MFSD6: variants seen among roughly 807,000 people sequenced by gnomAD.
The protein encoded by MFSD6 is major facilitator superfamily domain-containing protein 6.
In MFSD6, 26 loss-of-function variants were observed where a neutral mutation model predicts 56.3. That is an observed-to-expected ratio of 0.46 (90% confidence interval 0.34 to 0.64). MFSD6 has a LOEUF of 0.64. MFSD6 is among the 30% of genes least tolerant of loss of function. The probability of loss-of-function intolerance (pLI) is 0.01; values close to 1 mark genes in which losing one functional copy is unlikely to be tolerated. For synonymous variants in MFSD6, 331 were observed against 366.9 expected, an observed-to-expected ratio of 0.90 and a Z score of 1.12; for missense variants, 750 against 986.2, an observed-to-expected ratio of 0.76 and a Z score of 3.21.
rs562072740 is a variant in MFSD6 at position 190,462,785 on chromosome 2, T to G, written c.1533-6973T>G. ...CATATCTTGGAAAAAGGGAGAGAGATACTGTCAGCCCTGCTACTTCTAGAT... is the reference window on the plus strand; with the variant it reads ...CATATCTTGGAAAAAGGGAGAGAGAGACTGTCAGCCCTGCTACTTCTAGAT... On this transcript the variant is annotated intron_variant, in intron 3 of 7. Transcript: ENST00000392328. The surrounding 1 kb of genome is among the most constrained non-coding windows in gnomAD (Gnocchi z 5.7). Among the ~76,000 whole-genome samples the G allele has an allele frequency of 6.6e-5, 10 of 152,276 alleles. No homozygotes were observed. Among genetic ancestry groups the G allele is most frequent in the African/African-American group, 2.4e-4 (10 of 41,546 alleles).
rs77215407 is a variant in MFSD6, at chr2:190,434,795, G to A, written c.-53-1182G>A. Among the ~76,000 whole-genome samples the A allele has an allele frequency of 0.014, 2,164 of 152,206 alleles. 79 individuals carry two copies. Among genetic ancestry groups the A allele is most frequent in the East Asian group, 0.075 (387 of 5,176 alleles). ...CTAAAATGTGTTATTTTTCAGTTTA[G>A]TGTGTCTTAGAGCAGGGTTCCCCAA... is the stretch of plus-strand genomic sequence containing the variant. On this transcript the variant is annotated intron_variant, in intron 2 of 7. Coordinates refer to ENST00000392328, the MANE Select transcript of MFSD6 (RefSeq NM_017694.4). This position sits in a 1 kb window ranked among gnomAD's most constrained non-coding sequence, Gnocchi z 4.3.
At chr2:190,486,636 T>A (rs1344132428) in intron 4 of MFSD6, among the ~76,000 whole-genome samples, 1 of 152,232 alleles carries the variant, frequency 6.6e-6, no homozygotes, top group Non-Finnish European at 1.5e-5. Context: ...GTTTTTTAGT[T>A]ACTTGAGGAA....
intron 6 of MFSD6, among the ~76,000 whole-genome samples, chr2:190,493,938 G>A (rs971006296): frequency 6.6e-6 from 1 of 151,728 alleles, no homozygotes; most frequent in African/African-American, 2.4e-5. Flanking sequence ...GACAATCTAA[G>A]GTCACACCTC....
intron 4 of MFSD6, among the ~76,000 whole-genome samples, chr2:190,478,518 G>C (rs376827339): frequency 2.6e-5 from 4 of 152,304 alleles, no homozygotes; most frequent in Non-Finnish European, 5.9e-5. Flanking sequence ...GTTTGGATTC[G>C]TCTGCCTTTA....
rs991784212 is a variant in MFSD6, at chr2:190,491,695, T to C, written c.1891+1829T>C. On this transcript the variant is annotated intron_variant, in intron 6 of 7. Coordinates refer to ENST00000392328, the MANE Select transcript of MFSD6 (RefSeq NM_017694.4). The surrounding 1 kb of genome is among the most constrained non-coding windows in gnomAD (Gnocchi z 4.2). ...GCCAGCCCTTCCCTCTGCCATAGCC[T>C]ACCCAAATGAGAAGGAACCAGAACA... 2.6e-5 allele frequency among the ~76,000 whole-genome samples: 4 copies of C among 152,152 alleles called. No homozygotes were observed. Among genetic ancestry groups the C allele is most frequent in the African/African-American group, 9.7e-5 (4 of 41,412 alleles).
chr2:190,463,904 T>C lies in MFSD6; in HGVS notation c.1533-5854T>C, dbSNP rs1448909234. The C allele has an allele frequency of 8.1e-6, 8 of 984,524 alleles. No individual in the cohort carries two copies. The highest frequency in any genetic ancestry group is 9.6e-6 in the Non-Finnish European group (8 of 829,148). The allele number at this position is 984,524 out of a possible 1,614,324, so 61.0% of individuals were successfully genotyped here. A position where few individuals can be genotyped will look rare whatever the true frequency, so the allele number is the denominator to read the frequency against. ...AGGGCGCACCATATACTGTCTACCA[T>C]ACAGAAAACGTAATCCAGTTTATAT... On this transcript the variant is annotated intron_variant, in intron 3 of 7. Transcript: ENST00000392328. The surrounding 1 kb of genome is among the most constrained non-coding windows in gnomAD (Gnocchi z 4.4).
intron 4 of MFSD6, among the ~76,000 whole-genome samples, chr2:190,484,405 A>G (rs1367093565): frequency 1.3e-5 from 2 of 152,240 alleles, no homozygotes; most frequent in Non-Finnish European, 2.9e-5. Context: ...ATAACTAAGA[A>G]AGTAGAAGCA....
At chr2:190,430,062 G>A (rs192205388) in intron 2 of MFSD6, among the ~76,000 whole-genome samples, 1 of 137,186 alleles carries the variant, frequency 7.3e-6, no homozygotes, top group Admixed American at 8.9e-5. Flanking sequence ...TGTTCTCATT[G>A]TTCAATTTCC....
chr2:190,479,397 G>T (rs1688531497), intron 4 of MFSD6, among the ~76,000 whole-genome samples: 1 of 151,892 alleles, frequency 6.6e-6, no homozygotes, highest in Non-Finnish European at 1.5e-5. Context: ...AAAAGAGACA[G>T]GGAGTCTACG....
chr2:190,436,588 T>C lies in MFSD6; in HGVS notation c.559T>C (p.Ser187Pro). ...TILPTNSSFT[S>P]FLTISPKMRE... is the part of the protein sequence containing the mutation. ...CCTGCCAACAAATTCTTCCTTTACC[T>C]CTTTCCTCACCATATCACCAAAAAT... The change falls in exon 3 of 8, where the codon TCT (serine) becomes CCT (proline). Residue 187 changes from serine to proline, a missense_variant. Ser to Pro is a moderately conservative substitution (Grantham distance 74). This residue lies in a region of MFSD6 where 376 missense variants were observed against 437.9 expected (regional missense o/e 0.86). Transcript: ENST00000392328. This position sits in a 1 kb window ranked among gnomAD's most constrained non-coding sequence, Gnocchi z 5.3. 6.2e-7 allele frequency: 1 copy of C among 1,614,212 alleles called. No individual in the cohort carries two copies. Among genetic ancestry groups the C allele is most frequent in the Non-Finnish European group, 8.5e-7 (1 of 1,180,038 alleles).
In MFSD6 at chr2:190,463,562, A is replaced by G. The variant is rs1687439157; in HGVS notation, c.1533-6196A>G. ...GGGGCCAGGTGGATGGCTCATGCCT[A>G]TAATCCCAGCAACTTTGGGAGGCTG... On this transcript the variant is annotated intron_variant, in intron 3 of 7. Transcript: ENST00000392328. This position sits in a 1 kb window ranked among gnomAD's most constrained non-coding sequence, Gnocchi z 4.4. Among the ~76,000 whole-genome samples the G allele has an allele frequency of 6.6e-6, 1 of 152,208 alleles. No individual in the cohort carries two copies. Among genetic ancestry groups the G allele is most frequent in the Non-Finnish European group, 1.5e-5 (1 of 68,030 alleles).
chr2:190,470,222 T>G (rs1208959952), intron 4 of MFSD6, among the ~76,000 whole-genome samples: 1 of 152,246 alleles, frequency 6.6e-6, no homozygotes, highest in South Asian at 2.1e-4. Context: ...AGGTTAACTA[T>G]AGTTACTGAA....
In MFSD6 at chr2:190,434,838, G is replaced by A. The variant is rs910964218; in HGVS notation, c.-53-1139G>A. Reference sequence around the variant, plus strand: ...TTCCCCAACCCCTGGACCATGGACCGCTACCACTCTGTGGCCTGTTAGGAA... The same window carrying A: ...TTCCCCAACCCCTGGACCATGGACCACTACCACTCTGTGGCCTGTTAGGAA... On this transcript the variant is annotated intron_variant, in intron 2 of 7. Coordinates refer to ENST00000392328, the MANE Select transcript of MFSD6 (RefSeq NM_017694.4). This position sits in a 1 kb window ranked among gnomAD's most constrained non-coding sequence, Gnocchi z 4.3. Among the ~76,000 whole-genome samples, 5 of 152,156 alleles carry A rather than the reference G, an allele frequency of 3.3e-5. No homozygotes were observed. Among genetic ancestry groups the A allele is most frequent in the Admixed American group, 1.3e-4 (2 of 15,284 alleles).
intron 3 of MFSD6, chr2:190,442,930 C>T (rs1215031356): frequency 6.6e-6 from 1 of 152,112 alleles, no homozygotes; most frequent in African/African-American, 2.4e-5. Context: ...TGAGGAAAAT[C>T]AATTATAATT....
At position 190,423,997 on chromosome 2, in the gene MFSD6, G is replaced by A. The variant is rs1486500765; in HGVS notation, c.-54+8584G>A. The stretch of plus-strand genomic sequence containing the variant: ...TGTCCATTTTCTAATTGGATTGTTT[G>A]TTGAGTTTGGAGAATTCTTTACATA... On this transcript the variant is annotated intron_variant, in intron 2 of 7. Transcript: ENST00000392328. The surrounding 1 kb of genome is among the most constrained non-coding windows in gnomAD (Gnocchi z 4.3). Among the ~76,000 whole-genome samples the A allele has an allele frequency of 6.6e-6, 1 of 152,124 alleles. No individual in the cohort carries two copies. The highest frequency in any genetic ancestry group is 2.4e-5 in the African/African-American group (1 of 41,418).
chr2:190,441,813 C>G (rs111342444), intron 3 of MFSD6, among the ~76,000 whole-genome samples: 22 of 152,236 alleles, frequency 1.4e-4, no homozygotes, highest in African/African-American at 5.1e-4. Flanking sequence ...ACAACATTCT[C>G]TCCTCTCTTT....
intron 2 of MFSD6, among the ~76,000 whole-genome samples, chr2:190,430,873 C>T (rs564543498): frequency 1.1e-4 from 16 of 149,644 alleles, no homozygotes; most frequent in East Asian, 2.0e-4. Context: ...CCGGACGGGG[C>T]GGCTGCCGGG....
chr2:190,415,171 C>G lies in MFSD6; in HGVS notation c.-175-121C>G, dbSNP rs1470749542. On this transcript the variant is annotated intron_variant, in intron 1 of 7. Coordinates refer to ENST00000392328, the MANE Select transcript of MFSD6 (RefSeq NM_017694.4). The surrounding 1 kb of genome is among the most constrained non-coding windows in gnomAD (Gnocchi z 4.5). ...TTCAGAAAGTTTATGTTTTTACTCTCAGTGAATGACAATGCCTGTCAATTC... is the reference window on the plus strand; with the variant it reads ...TTCAGAAAGTTTATGTTTTTACTCTGAGTGAATGACAATGCCTGTCAATTC... 6.6e-6 allele frequency: 1 copy of G among 152,196 alleles called. No individual in the cohort carries two copies. The highest frequency in any genetic ancestry group is 1.5e-5 in the Non-Finnish European group (1 of 68,038). The allele number at this position is 152,196 out of a possible 1,614,324, so 9.4% of individuals were successfully genotyped here.
At chr2:190,483,127 C>T (rs983821358) in intron 4 of MFSD6, among the ~76,000 whole-genome samples, 5 of 151,406 alleles carry the variant, frequency 3.3e-5, no homozygotes, top group Admixed American at 6.6e-5. Context: ...CTCCTGACCT[C>T]GTGATCCACC....
Sources: allele counts gnomAD v4.1 joint callset (sites outside exome capture counted in the v4.1 genomes callset), GRCh38; gene constraint gnomAD v4.1.1; regional missense constraint gnomAD v4.1.1; non-coding constraint Gnocchi (gnomAD v3.1); transcripts MANE v1.5; gene names NCBI Gene and HGNC (gene_info 2026-07-23, HGNC 2026-07-21).